TBC1D1: variants seen among roughly 807,000 people sequenced by gnomAD.
The protein encoded by TBC1D1 is TBC1 domain family member 1, also known as TBC1 (tre-2/USP6, BUB2, cdc16) domain family, member 1.
A neutral mutation model predicts 125.6 loss-of-function variants in TBC1D1; 89 were observed. The observed-to-expected ratio is 0.71, with a 90% confidence interval of 0.60 to 0.85. The LOEUF (loss-of-function observed/expected upper bound fraction) is 0.85. TBC1D1 is among the 40% of genes least tolerant of loss of function. The probability of loss-of-function intolerance (pLI) is 0.00; values close to 1 mark genes in which losing one functional copy is unlikely to be tolerated. For synonymous variants in TBC1D1, 565 were observed against 564.1 expected (o/e 1.00, Z -0.02); for missense variants, 1,377 against 1,469.2 (o/e 0.94, Z 1.03).
intron 18 of TBC1D1, among the ~76,000 whole-genome samples, chr4:38,130,304 T>C (rs1246743570): frequency 6.6e-6 from 1 of 152,246 alleles, no homozygotes. Flanking sequence ...ATAGGAAATA[T>C]AGCTAGATAT....
At chr4:38,038,807 G>T (rs1233912834) in intron 8 of TBC1D1, among the ~76,000 whole-genome samples, 1 of 152,042 alleles carries the variant, frequency 6.6e-6, no homozygotes, top group African/African-American at 2.4e-5. Context: ...TTAGTCAGGT[G>T]TGGTGGCGGG....
intron 15 of TBC1D1, among the ~76,000 whole-genome samples, chr4:38,114,910 A>G (rs182725659): frequency 5.3e-5 from 8 of 152,206 alleles, no homozygotes; most frequent in African/African-American, 1.7e-4. Flanking sequence ...AAGCATTTGC[A>G]GGCATAATAT....
intron 2 of TBC1D1, among the ~76,000 whole-genome samples, chr4:37,933,283 A>G (rs914968797): frequency 5.9e-5 from 9 of 152,074 alleles, no homozygotes; most frequent in Admixed American, 1.3e-4. Context: ...ACGCACCTAC[A>G]TATTTACACA....
Position 38,014,647 on chromosome 4 carries a change from A to T in TBC1D1, c.556A>T (p.Lys186Ter). ...CTGCGGCCGCGTGACGGTGGCGCAC[A>T]AGAAGGCTCCGCCGGCCCTGATCGA... is the stretch of plus-strand genomic sequence containing the variant. The change falls in exon 3 of 20, where the codon AAG becomes TAG. Residue 186 changes from lysine to a stop codon, truncating the protein, a stop_gained. Transcript: ENST00000261439. LOFTEE classifies it high-confidence loss of function. The surrounding 1 kb of genome is among the most constrained non-coding windows in gnomAD (Gnocchi z 5.1). The T allele has an allele frequency of 6.2e-7, 1 of 1,613,316 alleles. No homozygotes were observed. The highest frequency in any genetic ancestry group is 8.5e-7 in the Non-Finnish European group (1 of 1,180,028).
intron 15 of TBC1D1, among the ~76,000 whole-genome samples, chr4:38,109,660 T>C (rs1257465419): frequency 6.9e-6 from 1 of 143,998 alleles, no homozygotes; most frequent in East Asian, 1.9e-4. Context: ...CTCATTCAAG[T>C]GTTTCCCAAA....
At chr4:37,900,095 T>C (rs1297373685) in intron 1 of TBC1D1, among the ~76,000 whole-genome samples, 2 of 140,790 alleles carry the variant, frequency 1.4e-5, no homozygotes, top group Non-Finnish European at 3.0e-5. Context: ...CACTCCAGCC[T>C]GGGCGACAGA....
At chr4:38,100,027 G>A (rs1483441143) in intron 14 of TBC1D1, among the ~76,000 whole-genome samples, 1 of 152,150 alleles carries the variant, frequency 6.6e-6, no homozygotes, top group Non-Finnish European at 1.5e-5. Flanking sequence ...GTGAAAAAAA[G>A]CCCCACTATA....
intron 2 of TBC1D1, among the ~76,000 whole-genome samples, chr4:37,959,421 C>T (rs1212238995): frequency 6.6e-6 from 1 of 152,090 alleles, no homozygotes; most frequent in Non-Finnish European, 1.5e-5. Context: ...GGTCTTCACC[C>T]TCATTGTCTT....
chr4:38,043,939 G>A (rs1009460921), intron 8 of TBC1D1, among the ~76,000 whole-genome samples: 2 of 152,174 alleles, frequency 1.3e-5, no homozygotes, highest in African/African-American at 4.8e-5. Context: ...ACCACGCTGT[G>A]TTCAATGTTT....
intron 2 of TBC1D1, among the ~76,000 whole-genome samples, chr4:37,980,074 C>T (rs1258951649): frequency 5.3e-5 from 8 of 152,206 alleles, no homozygotes; most frequent in South Asian, 2.1e-4. Flanking sequence ...CCACCGCCCC[C>T]GGCCAAGCAT....
At chr4:38,056,815 G>T (rs10031495) in intron 12 of TBC1D1, among the ~76,000 whole-genome samples, 28,535 of 149,284 alleles carry the variant, frequency 0.19, 3,277 homozygotes, top group African/African-American at 0.34. Context: ...CTCGCGGGGT[G>T]GGGGAGTCAT....
At chr4:38,045,717 A>AT (rs1749317337) in intron 9 of TBC1D1, 100 bp from the exon 10 acceptor site, 5 of 787,502 alleles carry the variant, frequency 6.3e-6, no homozygotes, top group African/African-American at 1.7e-5. Context: ...AGTAGATAAC[A>AT]TTTTTTTCCT....
intron 2 of TBC1D1, among the ~76,000 whole-genome samples, chr4:37,950,568 C>T (rs1727623951): frequency 7.0e-6 from 1 of 143,524 alleles, no homozygotes; most frequent in African/African-American, 2.6e-5. Flanking sequence ...CCACCTGCCC[C>T]CTCCCCTCCC....
intron 17 of TBC1D1, among the ~76,000 whole-genome samples, chr4:38,120,621 C>T (rs552921969): frequency 2.7e-4 from 41 of 152,304 alleles, no homozygotes; most frequent in African/African-American, 9.1e-4. Context: ...GGTTACCTGG[C>T]ATTAAGTATG....
intron 13 of TBC1D1, among the ~76,000 whole-genome samples, chr4:38,093,029 A>G (rs1056144323): frequency 1.3e-5 from 2 of 152,234 alleles, no homozygotes; most frequent in Non-Finnish European, 1.5e-5. Context: ...CCCCGGGCTA[A>G]GAATCCATTT....
intron 2 of TBC1D1, among the ~76,000 whole-genome samples, chr4:37,969,427 C>T (rs1174974602): frequency 2.6e-5 from 4 of 152,204 alleles, no homozygotes; most frequent in Non-Finnish European, 4.4e-5. Flanking sequence ...ATGGCAACCT[C>T]CACCTCCTGG....
chr4:37,893,008 G>T (rs572557171), intron 1 of TBC1D1, among the ~76,000 whole-genome samples: 2 of 152,224 alleles, frequency 1.3e-5, no homozygotes, highest in South Asian at 4.1e-4. Context: ...AGATCTTCTA[G>T]GATCTTCTAG....
intron 8 of TBC1D1, among the ~76,000 whole-genome samples, chr4:38,037,207 A>G (rs551545185): frequency 6.6e-6 from 1 of 152,082 alleles, no homozygotes; most frequent in African/African-American, 2.4e-5. Context: ...CTGCAGACTC[A>G]TTTTTATGGA....
chr4:37,990,128 T>C (rs1387331983), intron 2 of TBC1D1, among the ~76,000 whole-genome samples: 1 of 152,220 alleles, frequency 6.6e-6, no homozygotes, highest in Non-Finnish European at 1.5e-5. Flanking sequence ...TGAGACGTTA[T>C]TTGCTTAGGG....
Sources: allele counts gnomAD v4.1 joint callset (sites outside exome capture counted in the v4.1 genomes callset), GRCh38; gene constraint gnomAD v4.1.1; non-coding constraint Gnocchi (gnomAD v3.1); transcripts MANE v1.5; gene names NCBI Gene and HGNC (gene_info 2026-07-23, HGNC 2026-07-21).